The following NRXN3 variants were observed in gnomAD, a reference collection of about 807,000 sequenced individuals.
NRXN3 encodes neurexin III.
NRXN3 carries 32 observed loss-of-function variants against 137.6 expected under a neutral mutation model. The observed-to-expected ratio is 0.23, with a 90% CI of 0.18 to 0.31. The LOEUF is 0.31. NRXN3 is among the 10% of genes least tolerant of loss of function. NRXN3 has a pLI of 1.00. For missense variants in NRXN3, 1,574 were observed against 2,062.5 expected, an observed-to-expected ratio of 0.76 and a Z score of 4.59; for synonymous variants, 798 against 784.5, an observed-to-expected ratio of 1.02 and a Z score of -0.29.
rs180737831 is a variant in NRXN3, at chr14:78,671,656, T to C, written c.1221+20330T>C. 1.2e-4 allele frequency among the ~76,000 whole-genome samples: 19 copies of C among 152,362 alleles called. No homozygotes were observed. In the East Asian group the frequency reaches 3.7e-3, roughly 29 times the overall value. On this transcript the variant is annotated intron_variant, in intron 6 of 20. Transcript: ENST00000335750. ...TGCTCTAAATTTTTAAAAATACGTTTATGCATTTTCCTATAATTTGTGTTT... is the reference window on the plus strand; with the variant it reads ...TGCTCTAAATTTTTAAAAATACGTTCATGCATTTTCCTATAATTTGTGTTT...
At chr14:79,619,831 A>T (rs1006981782) in intron 16 of NRXN3, among the ~76,000 whole-genome samples, 3 of 152,078 alleles carry the variant, frequency 2.0e-5, no homozygotes, top group African/African-American at 2.4e-5. Context: ...TGAAAAGATA[A>T]ATGTCTTTAT....
At chr14:79,069,699 A>G (rs770849583) in intron 15 of NRXN3, among the ~76,000 whole-genome samples, 1 of 152,172 alleles carries the variant, frequency 6.6e-6, no homozygotes, top group African/African-American at 2.4e-5. Context: ...TTGAGTCTCA[A>G]GATCTGGCCC....
intron 1 of NRXN3, among the ~76,000 whole-genome samples, chr14:78,215,104 C>T (rs771913846): frequency 4.6e-5 from 7 of 152,200 alleles, no homozygotes; most frequent in East Asian, 3.9e-4. Flanking sequence ...TACTGTGCCA[C>T]GTCTTAGTAT....
intron 4 of NRXN3, among the ~76,000 whole-genome samples, chr14:78,524,562 AT>A (rs74679219): frequency 1.8e-4 from 27 of 151,784 alleles, no homozygotes; most frequent in Admixed American, 7.2e-4. Context: ...GGGTGCAGGA[AT>A]TTTTTTTTAT....
chr14:79,129,929 G>T (rs1036476050), intron 15 of NRXN3, among the ~76,000 whole-genome samples: 10 of 148,942 alleles, frequency 6.7e-5, no homozygotes, highest in Non-Finnish European at 1.2e-4. Context: ...TTACCATTAT[G>T]TAATGGCCTT....
intron 19 of NRXN3, among the ~76,000 whole-genome samples, chr14:79,726,827 T>G (rs1032063416): frequency 1.3e-5 from 2 of 152,166 alleles, no homozygotes; most frequent in African/African-American, 4.8e-5. Context: ...CAGGTTCATA[T>G]AGTATGACAG....
intron 16 of NRXN3, among the ~76,000 whole-genome samples, chr14:79,646,985 T>A (rs2098455796): frequency 1.5e-5 from 2 of 135,286 alleles, no homozygotes; most frequent in African/African-American, 4.9e-5. Context: ...TAGAAATTGG[T>A]GTAGGCAGAC....
chr14:78,600,574 A>T (rs2097194353), intron 4 of NRXN3, among the ~76,000 whole-genome samples: 1 of 152,106 alleles, frequency 6.6e-6, no homozygotes, highest in Admixed American at 6.5e-5. Context: ...TTTGTTGCTT[A>T]TCAAGGACTT....
intron 19 of NRXN3, among the ~76,000 whole-genome samples, chr14:79,706,418 A>AC (rs1056402427): frequency 8.8e-6 from 1 of 113,656 alleles, no homozygotes; most frequent in Admixed American, 8.5e-5. Context: ...AGGCTTTTTT[A>AC]CTTTTTTTTT....
chr14:79,314,787 A>G (rs1347495175), intron 15 of NRXN3, among the ~76,000 whole-genome samples: 1 of 145,046 alleles, frequency 6.9e-6, no homozygotes, highest in Non-Finnish European at 1.5e-5. Flanking sequence ...ACTGGGAGGC[A>G]CCCCCCAGCA....
At chr14:79,595,783 A>G (rs2097852873) in intron 16 of NRXN3, among the ~76,000 whole-genome samples, 1 of 152,178 alleles carries the variant, frequency 6.6e-6, no homozygotes, top group Non-Finnish European at 1.5e-5. Flanking sequence ...TTAATTTAAC[A>G]TTTCTTTGTA....
chr14:78,998,850 C>T (rs1225466600), intron 15 of NRXN3, among the ~76,000 whole-genome samples: 1 of 151,264 alleles, frequency 6.6e-6, no homozygotes. Flanking sequence ...GTGATCCTCC[C>T]ACCTCTGCCT....
At chr14:78,973,702 A>G (rs981596595) in intron 14 of NRXN3, among the ~76,000 whole-genome samples, 2 of 152,162 alleles carry the variant, frequency 1.3e-5, no homozygotes, top group African/African-American at 4.8e-5. Context: ...GTAATGGCCC[A>G]CTGATCCTAT....
At chr14:79,838,159 A>C (rs554209291) in intron 20 of NRXN3, among the ~76,000 whole-genome samples, 17 of 152,286 alleles carry the variant, frequency 1.1e-4, no homozygotes, top group African/African-American at 3.6e-4. Context: ...ACAATACTTA[A>C]AAGTCATAAA....
intron 7 of NRXN3, among the ~76,000 whole-genome samples, chr14:78,714,276 T>C (rs1249204891): frequency 1.3e-5 from 2 of 152,166 alleles, no homozygotes; most frequent in African/African-American, 4.8e-5. Flanking sequence ...TCATTCTGTC[T>C]CAGTCACTCT....
At chr14:79,225,211 A>T (rs2070612019) in intron 15 of NRXN3, among the ~76,000 whole-genome samples, 1 of 152,154 alleles carries the variant, frequency 6.6e-6, no homozygotes, top group African/African-American at 2.4e-5. Context: ...TCTGCTCAGT[A>T]CCCAAGGCAC....
At chr14:78,211,771 G>T (rs746318021) in intron 1 of NRXN3, among the ~76,000 whole-genome samples, 11 of 152,218 alleles carry the variant, frequency 7.2e-5, no homozygotes, top group Non-Finnish European at 1.5e-4. Flanking sequence ...AAGAGGGAGG[G>T]CAGACAGGGT....
chr14:79,537,523 G>A (rs529225009), intron 16 of NRXN3, among the ~76,000 whole-genome samples: 5 of 152,050 alleles, frequency 3.3e-5, no homozygotes, highest in African/African-American at 1.2e-4. Flanking sequence ...TCCCACCTAT[G>A]AGTGACAACA....
chr14:78,815,483 T>C (rs963795170), intron 10 of NRXN3, among the ~76,000 whole-genome samples: 3 of 127,574 alleles, frequency 2.4e-5, no homozygotes, highest in African/African-American at 8.0e-5. Context: ...TTCTTTCTTT[T>C]TTTTTTTTTT....
Sources: gnomAD v4.1 joint callset for allele counts (sites outside exome capture counted in the v4.1 genomes callset) on GRCh38, gnomAD v4.1.1 for gene constraint, MANE v1.5 for transcripts, NCBI Gene and HGNC (gene_info 2026-07-23, HGNC 2026-07-21) for gene names.